The following BIRC6 variants were observed in gnomAD, a reference collection of about 807,000 sequenced individuals.
The protein encoded by BIRC6 is baculoviral IAP repeat containing 6, also known as dual E2 ubiquitin-conjugating enzyme/E3 ubiquitin-protein ligase BIRC6.
BIRC6 carries 98 observed loss-of-function variants against 503.3 expected under a neutral mutation model. The ratio of observed to expected loss-of-function variants is 0.19; its 90% CI spans 0.17 to 0.23. BIRC6 has a LOEUF of 0.23. Ranked by LOEUF, BIRC6 falls within the 10% of genes least tolerant of loss-of-function variation. The pLI is 1.00. For missense variants in BIRC6, 5,360 were observed against 5,806.0 expected (o/e 0.92, Z 2.50); for synonymous variants, 2,240 against 2,078.7 (o/e 1.08, Z -2.11).
intron 59 of BIRC6, chr2:32,528,227 CTTTTTTT>C (rs961322150): frequency 6.9e-6 from 1 of 144,454 alleles, no homozygotes; most frequent in African/African-American, 2.5e-5. Context: ...CTGCTTTTTC[CTTTTTTT>C]TTTTTTGAGA....
At chr2:32,437,552 A>G in intron 15 of BIRC6, among the ~76,000 whole-genome samples, 1 of 152,222 alleles carries the variant, frequency 6.6e-6, no homozygotes. Context: ...GTACAGGTCA[A>G]GTATCCCTTA....
chr2:32,561,681 A>T (rs2059197480), intron 65 of BIRC6, among the ~76,000 whole-genome samples: 1 of 149,020 alleles, frequency 6.7e-6, no homozygotes, highest in African/African-American at 2.5e-5. Flanking sequence ...AGTTTCTGGG[A>T]TTATCTTTTA....
rs547327754 is a variant in BIRC6 at position 32,464,588 on chromosome 2, A to C, written c.5021A>C (p.Asn1674Thr). 4 of 1,612,682 alleles carry C rather than the reference A, an allele frequency of 2.5e-6. No individual in the cohort carries two copies. Among genetic ancestry groups the C allele is most frequent in the South Asian group, 1.1e-5 (1 of 90,912 alleles). Residue 1674 changes from asparagine (N) to threonine (T), a missense_variant, in exon 25 of 74, where the codon AAC becomes ACC. Asn to Thr is a moderately conservative substitution (Grantham distance 65). Around this residue, in one of 16 missense-constraint regions of BIRC6, gnomAD observed 2,299 missense variants for 2,267.2 expected, o/e 1.01. Transcript: ENST00000421745. The stretch of plus-strand genomic sequence containing the variant: ...GCATCAGCAGTAGGTCCTGTTCACA[A>C]CTCTGTGCCTTCCAACCCAGTGGCT... Reference protein sequence around the residue: ...AAASAVGPVHNSVPSNPVAAP... With the variant: ...AAASAVGPVHTSVPSNPVAAP...
In BIRC6 at chr2:32,531,368, A is replaced by G. The variant is rs1422124925; in HGVS notation, c.12108A>G (p.Leu4036=). Residue 4036 remains leucine, a synonymous_variant, in exon 61 of 74, where the codon TTA becomes TTG. Coordinates refer to ENST00000421745, the MANE Select transcript of BIRC6 (RefSeq NM_016252.4). ...RLHPEKDHGD[L]LASCPEDEAL... ...TTTATTGTCTAGATCATGGAGACTT[A>G]CTTGCTAGCTGTCCAGAAGATGAGG... is the stretch of plus-strand genomic sequence containing the variant. The G allele has an allele frequency of 1.9e-6, 3 of 1,611,398 alleles. No homozygotes were observed. The highest frequency in any genetic ancestry group is 2.5e-6 in the Non-Finnish European group (3 of 1,178,394).
At chr2:32,480,522 G>A (rs1031932114) in intron 37 of BIRC6, among the ~76,000 whole-genome samples, 3 of 149,030 alleles carry the variant, frequency 2.0e-5, no homozygotes, top group African/African-American at 7.4e-5. Flanking sequence ...AAGAGTTATA[G>A]AGGGGTACTT....
chr2:32,387,486 G>C (rs560737808), intron 3 of BIRC6, among the ~76,000 whole-genome samples: 287 of 152,144 alleles, frequency 1.9e-3, no homozygotes, highest in African/African-American at 6.7e-3. Context: ...TATTTCTCTG[G>C]GAGAATAGTA....
rs1032346810 is a variant in BIRC6, at chr2:32,518,177, G to C, written c.11350-77G>C. 4.5e-6 allele frequency: 6 copies of C among 1,335,674 alleles called. No individual in the cohort carries two copies. In the African/African-American group the frequency reaches 9.1e-5, roughly 20 times the overall value. The allele number at this position is 1,335,674 out of a possible 1,614,324, so 82.7% of individuals were successfully genotyped here. ...TAAAATAAACTTATTCATATTTTCTGTTTCCTTTTTATCTTTCAAAATAAA... is the reference window on the plus strand; with the variant it reads ...TAAAATAAACTTATTCATATTTTCTCTTTCCTTTTTATCTTTCAAAATAAA... On this transcript the variant is annotated intron_variant, in intron 55 of 73. Coordinates refer to ENST00000421745, the MANE Select transcript of BIRC6 (RefSeq NM_016252.4).
At position 32,490,128 on chromosome 2, in the gene BIRC6, T is replaced by A. The variant is rs1296798240; in HGVS notation, c.8183T>A (p.Leu2728His). Residue 2728 changes from leucine to histidine, a missense_variant, in exon 43 of 74, where the codon CTC (leucine) becomes CAC (histidine). Coordinates refer to ENST00000421745, the MANE Select transcript of BIRC6 (RefSeq NM_016252.4). ...TWCLVLHSLT[L>H]MTNMQLNSGS... ...TGCCTTGTGCTTCATAGCCTAACACTCATGACAAACATGCAGCTTAATTGT... is the reference window on the plus strand; with the variant it reads ...TGCCTTGTGCTTCATAGCCTAACACACATGACAAACATGCAGCTTAATTGT... The A allele has an allele frequency of 1.9e-6, 3 of 1,609,814 alleles. No homozygotes were observed. The South Asian group carries it at 3.3e-5, about 18-fold the overall frequency.
chr2:32,560,588 T>A lies in BIRC6; in HGVS notation c.13144+11107T>A, dbSNP rs561764133. On this transcript the variant is annotated intron_variant, in intron 65 of 73. Coordinates refer to ENST00000421745, the MANE Select transcript of BIRC6 (RefSeq NM_016252.4). ...ATATAATGTAACTATATATTTTTTC[T>A]TTTTTCTTCTTCAGTCATAGTCTTC... is the stretch of plus-strand genomic sequence containing the variant. Among the ~76,000 whole-genome samples, 15 of 152,314 alleles carry A rather than the reference T, an allele frequency of 9.8e-5. No individual in the cohort carries two copies. The East Asian group carries it at 2.9e-3, about 29-fold the overall frequency.
intron 65 of BIRC6, among the ~76,000 whole-genome samples, chr2:32,567,545 G>T (rs753284071): frequency 6.6e-6 from 1 of 152,212 alleles, no homozygotes; most frequent in Non-Finnish European, 1.5e-5. Flanking sequence ...TTTAGATAGC[G>T]TGTGGCCAGT....
At chr2:32,418,927 T>G (rs176412) in intron 10 of BIRC6, among the ~76,000 whole-genome samples, 144,273 of 152,278 alleles carry the variant, frequency 0.95, 68,434 homozygotes, top group East Asian at 1. Flanking sequence ...CAGCCTAGGC[T>G]ACCGAGCAAG....
chr2:32,590,236 C>T (rs1302619667), intron 66 of BIRC6, among the ~76,000 whole-genome samples: 1 of 152,164 alleles, frequency 6.6e-6, no homozygotes, highest in Non-Finnish European at 1.5e-5. Flanking sequence ...CTGAGGAGCA[C>T]AGTGTGATCA....
chr2:32,476,434 C>T, intron 34 of BIRC6, 90 bp downstream of exon 34: 1 of 1,362,420 alleles, frequency 7.3e-7, no homozygotes, highest in Non-Finnish European at 9.8e-7. Flanking sequence ...ATATACATTA[C>T]TCTGCTTAAC....
chr2:32,411,771 G>A lies in BIRC6; in HGVS notation c.1478-2998G>A, dbSNP rs545684395. On this transcript the variant is annotated intron_variant, in intron 9 of 73. Transcript: ENST00000421745. The stretch of plus-strand genomic sequence containing the variant: ...TGGGATTACAGGTGTGGGCCACCGC[G>A]TCTGGCCTAACCTGTAGTGGTCTTT... Among the ~76,000 whole-genome samples, 43 of 152,206 alleles carry A rather than the reference G, an allele frequency of 2.8e-4. No homozygotes were observed. The South Asian group carries it at 3.3e-3, about 12-fold the overall frequency.
Position 32,501,710 on chromosome 2 carries a change from T to C in BIRC6, c.9032-3T>C, listed in dbSNP as rs754359855. Reference sequence around the variant, plus strand: ...TTAATGTGGTATCTTTTATTTTTCTTAGGAGCAAGTGGATTACATCTCACT... The same window carrying C: ...TTAATGTGGTATCTTTTATTTTTCTCAGGAGCAAGTGGATTACATCTCACT... On this transcript the variant is annotated splice_polypyrimidine_tract_variant and splice_region_variant and intron_variant, in intron 46 of 73. Transcript: ENST00000421745. 1.9e-6 allele frequency: 3 copies of C among 1,604,788 alleles called. No individual in the cohort carries two copies. In the African/African-American group the frequency reaches 4.0e-5, roughly 22 times the overall value.
chr2:32,584,225 T>C (rs1449345609), intron 66 of BIRC6, among the ~76,000 whole-genome samples: 1 of 152,080 alleles, frequency 6.6e-6, no homozygotes, highest in South Asian at 2.1e-4. Context: ...TAAAATAATA[T>C]TTAAATTTAA....
chr2:32,465,047 T>C lies in BIRC6; in HGVS notation c.5257-18T>C. 6.8e-7 allele frequency: 1 copy of C among 1,481,070 alleles called. No homozygotes were observed. Among genetic ancestry groups the C allele is most frequent in the Non-Finnish European group, 9.2e-7 (1 of 1,088,428 alleles). 91.7% of individuals were successfully genotyped at this position (1,481,070 alleles called of 1,614,324 possible). A position where few individuals can be genotyped will look rare whatever the true frequency, so the allele number is the denominator to read the frequency against. ...AATATCAATATAAAGTTAGATTTTT[T>C]TTTTTTCCCTGCTCTAGAATCCACT... On this transcript the variant is annotated intron_variant, in intron 25 of 73. Transcript: ENST00000421745.
At chr2:32,597,541 G>A (rs1023460153) in intron 68 of BIRC6, among the ~76,000 whole-genome samples, 34 of 152,280 alleles carry the variant, frequency 2.2e-4, no homozygotes, top group Middle Eastern at 3.4e-3. Flanking sequence ...CCTATAGCAT[G>A]TGAAAGACAA....
chr2:32,591,036 T>G, intron 66 of BIRC6: 1 of 937,724 alleles, frequency 1.1e-6, no homozygotes, highest in South Asian at 4.9e-5. Context: ...CCTGCAACTT[T>G]TATAGAAAAG....
Sources: allele counts gnomAD v4.1 joint callset (sites outside exome capture counted in the v4.1 genomes callset), GRCh38; gene constraint gnomAD v4.1.1; regional missense constraint gnomAD v4.1.1; transcripts MANE v1.5; gene names NCBI Gene and HGNC (gene_info 2026-07-23, HGNC 2026-07-21).